Variants in MTMR1 observed in about 807,000 individuals in gnomAD.
MTMR1 encodes phosphatidylinositol-3-phosphate phosphatase MTMR1.
A neutral mutation model predicts 51.6 loss-of-function variants in MTMR1; 17 were observed. The ratio of observed to expected loss-of-function variants is 0.33; its 90% CI spans 0.23 to 0.49. The LOEUF (loss-of-function observed/expected upper bound fraction) is 0.49. Ranked by LOEUF, MTMR1 falls within the 20% of genes least tolerant of loss-of-function variation. MTMR1 has a pLI of 0.99. For missense variants in MTMR1, 386 were observed against 526.9 expected (o/e 0.73, Z 2.62); for synonymous variants, 201 against 205.6 (o/e 0.98, Z 0.19).
intron 13 of MTMR1, 72 bp from the exon 14 acceptor site, chrX:150,750,658 T>C: frequency 1.5e-6 from 1 of 682,827 alleles, no homozygotes; most frequent in Admixed American, 3.0e-5. Context: ...TTTCGCTGTC[T>C]TTCATAAAAA....
chrX:150,725,978 A>G (rs2041908491), intron 4 of MTMR1, among the ~76,000 whole-genome samples: 1 of 111,299 alleles, frequency 9.0e-6, no homozygotes, highest in Non-Finnish European at 1.9e-5. Context: ...TTCCATTGTA[A>G]TACTTTGTGT....
intron 1 of MTMR1, among the ~76,000 whole-genome samples, chrX:150,698,678 G>GCACACACACACA (rs1444236629): frequency 4.1e-4 from 29 of 70,806 alleles, no homozygotes; most frequent in African/African-American, 9.8e-4. Flanking sequence ...CTACACGCGC[G>GCACACACACACA]CGCACACACA....
intron 14 of MTMR1, among the ~76,000 whole-genome samples, chrX:150,754,789 C>T (rs1160428592): frequency 2.7e-5 from 3 of 110,917 alleles, no homozygotes; most frequent in African/African-American, 6.6e-5. Context: ...TCTGGGAGGC[C>T]GAGGTGGGAG....
chrX:150,741,729 G>A (rs185038257), intron 12 of MTMR1, among the ~76,000 whole-genome samples: 35 of 112,743 alleles, frequency 3.1e-4, no homozygotes, highest in Admixed American at 2.9e-3. Context: ...ATGATGCCTT[G>A]CACACGCCAT....
intron 15 of MTMR1, among the ~76,000 whole-genome samples, chrX:150,759,106 G>A (rs2042997298): frequency 8.9e-6 from 1 of 112,640 alleles, no homozygotes; most frequent in African/African-American, 3.2e-5. Context: ...GTCCAGCACT[G>A]TCCTCCTTTC....
upstream of MTMR1, chrX:150,693,293 TG>T: frequency 5.1e-6 from 1 of 197,269 alleles, no homozygotes; most frequent in Non-Finnish European, 7.7e-6. Context: ...CTGGGCGAGG[TG>T]GGGGTTCCCG....
intron 3 of MTMR1, among the ~76,000 whole-genome samples, chrX:150,714,811 T>C (rs2041440528): frequency 8.9e-6 from 1 of 111,985 alleles, no homozygotes; most frequent in Admixed American, 9.5e-5. Context: ...GATTCTGCAG[T>C]GCCTTTACAT....
chrX:150,725,357 A>G lies in MTMR1; in HGVS notation c.353-1858A>G, dbSNP rs782807946. 3.6e-5 allele frequency among the ~76,000 whole-genome samples: 4 copies of G among 111,838 alleles called. No individual in the cohort carries two copies. In the Admixed American group the frequency reaches 3.8e-4, roughly 11 times the overall value. ...TATTGTGAATGGGATTGCATTCCTGATTTGGCTGTTGGCCTGGCTGTTGTT... is the reference window on the plus strand; with the variant it reads ...TATTGTGAATGGGATTGCATTCCTGGTTTGGCTGTTGGCCTGGCTGTTGTT... On this transcript the variant is annotated intron_variant, in intron 4 of 15. Coordinates refer to ENST00000445323, the MANE Select transcript of MTMR1 (RefSeq NM_001306144.3).
chrX:150,736,414 TGTTTTAAGCCACTGA>T lies in MTMR1; in HGVS notation c.1081-176_1081-162del, dbSNP rs1241109223. On this transcript the variant is annotated intron_variant, in intron 10 of 15. Coordinates refer to ENST00000445323, the MANE Select transcript of MTMR1 (RefSeq NM_001306144.3). ...GAACTAGGAGAGAATAAACTTCTGT[TGTTTTAAGCCACTGA>T]GTTTGTGGTTCTTTTTCCAGCAGCC... 2.2e-5 allele frequency: 9 copies of T among 402,299 alleles called. No individual in the cohort carries two copies. In the Middle Eastern group the frequency reaches 2.0e-3, roughly 91 times the overall value. The allele number at this position is 402,299 out of a possible 1,213,427, so 33.2% of individuals were successfully genotyped here.
chrX:150,728,800 T>G (rs2042020264), intron 6 of MTMR1, among the ~76,000 whole-genome samples: 1 of 110,409 alleles, frequency 9.1e-6, no homozygotes, highest in Non-Finnish European at 1.9e-5. Flanking sequence ...TACAATCTAT[T>G]TATTTTGATT....
At chrX:150,718,545 C>T (rs1234928100) in intron 3 of MTMR1, 80 bp from the exon 4 acceptor site, 23 of 1,048,755 alleles carry the variant, frequency 2.2e-5, no homozygotes, top group African/African-American at 4.2e-5. Context: ...AAATTCTTCA[C>T]AGGTATACGG....
At chrX:150,711,313 A>G (rs2041298732) in intron 2 of MTMR1, among the ~76,000 whole-genome samples, 1 of 112,403 alleles carries the variant, frequency 8.9e-6, no homozygotes, top group Non-Finnish European at 1.9e-5. Context: ...GATTATTTTA[A>G]TGATAATACA....
chrX:150,723,424 C>T lies in MTMR1; in HGVS notation c.353-3791C>T, dbSNP rs782513493. ...TTCTAGTTCTAGATCCCTGAGGAAT[C>T]GCCACACTGACTTCCACAATGGTTG... On this transcript the variant is annotated intron_variant, in intron 4 of 15. Transcript: ENST00000445323. Among the ~76,000 whole-genome samples, 460 of 109,750 alleles carry T rather than the reference C, an allele frequency of 4.2e-3. 2 individuals are homozygous for T. Among genetic ancestry groups the T allele is most frequent in the Non-Finnish European group, 6.8e-3 (359 of 52,552 alleles).
At chrX:150,719,888 G>A (rs2041689221) in intron 4 of MTMR1, among the ~76,000 whole-genome samples, 1 of 111,265 alleles carries the variant, frequency 9.0e-6, no homozygotes, top group African/African-American at 3.3e-5. Flanking sequence ...ATTTAGCTGC[G>A]GTCCTGGTGC....
intron 2 of MTMR1, 39 bp downstream of exon 2, chrX:150,699,339 T>C (rs1557415851): frequency 1.0e-6 from 1 of 986,766 alleles, no homozygotes; most frequent in Non-Finnish European, 1.4e-6. Flanking sequence ...TTCAGTATGC[T>C]AAGTAGCCAA....
chrX:150,742,816 CA>C (rs1159891625), intron 12 of MTMR1, among the ~76,000 whole-genome samples: 84 of 21,715 alleles, frequency 3.9e-3, no homozygotes, highest in South Asian at 0.013. Flanking sequence ...GACTCCATCT[CA>C]AAAAAAAAAA....
At chrX:150,714,494 C>T (rs1557416327) in intron 3 of MTMR1, 4 of 982,488 alleles carry the variant, frequency 4.1e-6, no homozygotes, top group Middle Eastern at 2.9e-4. Flanking sequence ...TCAGGAAGAA[C>T]ACAATGGCTA....
chrX:150,726,293 A>G lies in MTMR1; in HGVS notation c.353-922A>G, dbSNP rs575543909. ...AGTTTCATCCTGAAACCATCCCCCT[A>G]CCTCTGCCCTGGTCCATGGAACAGT... On this transcript the variant is annotated intron_variant, in intron 4 of 15. Coordinates refer to ENST00000445323, the MANE Select transcript of MTMR1 (RefSeq NM_001306144.3). Among the ~76,000 whole-genome samples the G allele has an allele frequency of 2.6e-4, 29 of 111,319 alleles. No homozygotes were observed. In the South Asian group the frequency reaches 0.011, roughly 41 times the overall value.
chrX:150,697,013 G>A (rs2040702898), intron 1 of MTMR1, among the ~76,000 whole-genome samples: 1 of 111,986 alleles, frequency 8.9e-6, no homozygotes, highest in Non-Finnish European at 1.9e-5. Flanking sequence ...AAGGCATGCC[G>A]GGCAGGCAGG....
Sources: gnomAD v4.1 joint callset for allele counts (sites outside exome capture counted in the v4.1 genomes callset) on GRCh38, gnomAD v4.1.1 for gene constraint, MANE v1.5 for transcripts, NCBI Gene and HGNC (gene_info 2026-07-23, HGNC 2026-07-21) for gene names.